The following FGD4 variants were observed in gnomAD, a reference collection of about 807,000 sequenced individuals.
FGD4 encodes the protein FYVE, RhoGEF and PH domain containing 4.
In FGD4, 42 loss-of-function variants were observed where a neutral mutation model predicts 102.0. That is an observed-to-expected ratio of 0.41 (90% CI 0.32 to 0.53). The LOEUF (loss-of-function observed/expected upper bound fraction) is 0.53, where lower values mean the gene tolerates loss of function less well. Among genes scored for constraint, FGD4 ranks in the 20% least tolerant of loss-of-function variants. The pLI, the probability that FGD4 is intolerant of heterozygous loss-of-function variation, is 0.21. For missense variants in FGD4, 902 were observed against 1,078.2 expected, an observed-to-expected ratio of 0.84 and a Z score of 2.29; for synonymous variants, 380 against 375.7, an observed-to-expected ratio of 1.01 and a Z score of -0.13.
intron 2 of FGD4, among the ~76,000 whole-genome samples, chr12:32,565,743 G>A (rs558803892): frequency 1.3e-5 from 2 of 152,204 alleles, no homozygotes; most frequent in African/African-American, 4.8e-5. Flanking sequence ...TGCTTTTGCT[G>A]TTGTGTAGTT....
At chr12:32,458,169 CTT>C (rs1331791832) in intron 1 of FGD4, among the ~76,000 whole-genome samples, 1 of 145,102 alleles carries the variant, frequency 6.9e-6, no homozygotes. Flanking sequence ...CTTTGTTTTT[CTT>C]TTTTTTTTTC....
At chr12:32,474,074 C>T (rs1035319773) in intron 1 of FGD4, among the ~76,000 whole-genome samples, 18 of 150,164 alleles carry the variant, frequency 1.2e-4, no homozygotes, top group African/African-American at 4.2e-4. Context: ...GGTGACAGTG[C>T]GAGACTCTGT....
At chr12:32,552,434 A>ATTTTTTTTTTTTT (rs66646521) in intron 1 of FGD4, among the ~76,000 whole-genome samples, 1 of 120,968 alleles carries the variant, frequency 8.3e-6, no homozygotes. Context: ...TAATTTTTGC[A>ATTTTTTTTTTTTT]TTTTTTTTTT....
rs1939542837 is a variant in FGD4 at position 32,512,975 on chromosome 12, A to G, written c.167-51162A>G. On this transcript the variant is annotated intron_variant, in intron 1 of 16. Coordinates refer to ENST00000534526, the MANE Select transcript of FGD4 (RefSeq NM_001370298.3). Reference sequence around the variant, plus strand: ...GTTAGGTAGATTTATATACTTATCCAGGCAACCTGGACATTCATTTAAACA... The same window carrying G: ...GTTAGGTAGATTTATATACTTATCCGGGCAACCTGGACATTCATTTAAACA... Among the ~76,000 whole-genome samples, 3 of 152,230 alleles carry G rather than the reference A, an allele frequency of 2.0e-5. No individual in the cohort carries two copies. In the South Asian group the frequency reaches 6.2e-4, roughly 32 times the overall value.
At chr12:32,403,532 G>T (rs1016578924) in intron 1 of FGD4, among the ~76,000 whole-genome samples, 1 of 150,700 alleles carries the variant, frequency 6.6e-6, no homozygotes. Flanking sequence ...GTTTGAGGAT[G>T]AAGTATGCTG....
In FGD4 at chr12:32,557,413, A is replaced by C. The variant is rs1944210756; in HGVS notation, c.167-6724A>C. Among the ~76,000 whole-genome samples, 4 of 152,170 alleles carry C rather than the reference A, an allele frequency of 2.6e-5. No homozygotes were observed. The South Asian group carries it at 8.3e-4, about 32-fold the overall frequency. ...TTGTCTATAACTTATTCTTTTTAAA[A>C]ACTGAGATATTATACATATTCTACA... On this transcript the variant is annotated intron_variant, in intron 1 of 16. Transcript: ENST00000534526.
chr12:32,545,343 C>T (rs1286728985), intron 1 of FGD4, among the ~76,000 whole-genome samples: 1 of 152,092 alleles, frequency 6.6e-6, no homozygotes, highest in African/African-American at 2.4e-5. Context: ...TTTACTTGCC[C>T]AAGGTCACAC....
chr12:32,564,014 G>GGGGAGA (rs371242429), intron 1 of FGD4, 123 bp from the exon 2 acceptor site: 22 of 898,856 alleles, frequency 2.4e-5, no homozygotes, highest in African/African-American at 1.1e-4. Context: ...ACCGTGGAAA[G>GGGGAGA]GGGAGAGGGA....
At position 32,615,919 on chromosome 12, in the gene FGD4, A is replaced by T. The variant is rs578251150; in HGVS notation, c.1750-3779A>T. ...AATACAGGGGGTGACTGCGGGTGTG[A>T]GTTCTGACTTGGTTGGTTTCCACAT... is the stretch of plus-strand genomic sequence containing the variant. On this transcript the variant is annotated intron_variant, in intron 10 of 16. Coordinates refer to ENST00000534526, the MANE Select transcript of FGD4 (RefSeq NM_001370298.3). Among the ~76,000 whole-genome samples the T allele has an allele frequency of 9.2e-5, 14 of 152,132 alleles. No homozygotes were observed. The South Asian group carries it at 2.9e-3, about 32-fold the overall frequency.
intron 1 of FGD4, among the ~76,000 whole-genome samples, chr12:32,475,919 C>G (rs1295300409): frequency 6.6e-6 from 1 of 152,180 alleles, no homozygotes; most frequent in East Asian, 1.9e-4. Flanking sequence ...TATATTTCCT[C>G]TGAATTCTGC....
At chr12:32,433,451 C>T (rs918031615) in intron 1 of FGD4, among the ~76,000 whole-genome samples, 8 of 151,996 alleles carry the variant, frequency 5.3e-5, no homozygotes, top group African/African-American at 9.7e-5. Flanking sequence ...CAGGTTCAAG[C>T]GATTCTCCTG....
intron 1 of FGD4, among the ~76,000 whole-genome samples, chr12:32,460,100 C>T (rs184552094): frequency 2.0e-5 from 3 of 152,270 alleles, no homozygotes; most frequent in African/African-American, 7.2e-5. Context: ...AATTTACATC[C>T]ACTGTTATTA....
chr12:32,638,281 G>A (rs1282116254), intron 15 of FGD4, among the ~76,000 whole-genome samples: 1 of 152,130 alleles, frequency 6.6e-6, no homozygotes, highest in African/African-American at 2.4e-5. Flanking sequence ...AGACTCTCTG[G>A]GTTCAAATCC....
Position 32,582,386 on chromosome 12 carries a change from A to G in FGD4, c.930A>G (p.Glu310=). ...TCCCCCTAGAAGAAAGAGGGGCAGA[A>G]ACAGAAACCAAGGTACAAGAGAGGG... ...PVLPLEERGA[E]TETKVQEREN... is the part of the protein sequence containing the mutation. Residue 310 remains glutamate, a synonymous_variant, in exon 4 of 17, where the codon GAA becomes GAG. Coordinates refer to ENST00000534526, the MANE Select transcript of FGD4 (RefSeq NM_001370298.3). 1 of 1,614,138 alleles carries G rather than the reference A, an allele frequency of 6.2e-7. No homozygotes were observed. Among genetic ancestry groups the G allele is most frequent in the Non-Finnish European group, 8.5e-7 (1 of 1,180,026 alleles).
intron 1 of FGD4, among the ~76,000 whole-genome samples, chr12:32,528,005 C>G (rs1941433249): frequency 6.6e-6 from 1 of 151,980 alleles, no homozygotes; most frequent in African/African-American, 2.4e-5. Flanking sequence ...TGCTCTGTCA[C>G]CCACGCTGAA....
At chr12:32,473,392 C>A (rs1054703889) in intron 1 of FGD4, among the ~76,000 whole-genome samples, 1 of 152,056 alleles carries the variant, frequency 6.6e-6, no homozygotes, top group African/African-American at 2.4e-5. Flanking sequence ...CTGAGTCCAG[C>A]GAGCCCAGGA....
At chr12:32,557,180 GATATGT>G (rs2136228040) in intron 1 of FGD4, among the ~76,000 whole-genome samples, 1 of 152,244 alleles carries the variant, frequency 6.6e-6, no homozygotes, top group East Asian at 1.9e-4. Context: ...AAGTCTCTGT[GATATGT>G]ATACTTGGTG....
intron 5 of FGD4, chr12:32,600,592 C>CTTTTTTTTTTTTTTT (rs1181093585): frequency 1.3e-4 from 27 of 200,840 alleles, no homozygotes; most frequent in African/African-American, 1.8e-4. Context: ...TTCTTTCTTT[C>CTTTTTTTTTTTTTTT]TTTTTTTTTT....
intron 1 of FGD4, among the ~76,000 whole-genome samples, chr12:32,551,558 G>T (rs1371766637): frequency 6.6e-6 from 1 of 152,268 alleles, no homozygotes; most frequent in East Asian, 1.9e-4. Context: ...GAAAATGAGG[G>T]TTATTTGACA....
Sources: gnomAD v4.1 joint callset for allele counts (sites outside exome capture counted in the v4.1 genomes callset) on GRCh38, gnomAD v4.1.1 for gene constraint, MANE v1.5 for transcripts, NCBI Gene and HGNC (gene_info 2026-07-23, HGNC 2026-07-21) for gene names.